EP300: variants seen among roughly 807,000 people sequenced by gnomAD.
EP300 encodes the protein EP300 lysine acetyltransferase, also known as histone acetyltransferase p300.
In EP300, 31 loss-of-function variants were observed where a neutral mutation model predicts 264.0. That is an observed-to-expected ratio of 0.12 (90% CI 0.09 to 0.16). The LOEUF is 0.16. Ranked by LOEUF, EP300 falls within the 10% of genes least tolerant of loss-of-function variation. The pLI is 1.00. For synonymous variants in EP300, 1,340 were observed against 1,045.4 expected (o/e 1.28, Z -5.44); for missense variants, 2,766 against 3,052.9 (o/e 0.91, Z 2.21).
chr22:41,163,891 C>CAACAGAGACCCTATCTCTAAA (rs1480247444), intron 21 of EP300, among the ~76,000 whole-genome samples, 162 bp from the exon 22 acceptor site: 1 of 152,206 alleles, frequency 6.6e-6, no homozygotes, highest in Non-Finnish European at 1.5e-5. Context: ...CCAGCCTGTA[C>CAACAGAGACCCTATCTCTAAA]AACAGAGACC....
intron 26 of EP300, 28 bp from the exon 27 acceptor site, chr22:41,170,378 T>C (rs771204828): frequency 1.2e-6 from 2 of 1,605,810 alleles, no homozygotes; most frequent in East Asian, 2.2e-5. Flanking sequence ...TCTCTTTTCC[T>C]TAATGTTCTT....
intron 1 of EP300, among the ~76,000 whole-genome samples, chr22:41,103,426 A>C (rs542573597): frequency 6.6e-6 from 1 of 152,188 alleles, no homozygotes; most frequent in African/African-American, 2.4e-5. Context: ...GTTGGTATAC[A>C]TGTCCACACA....
intron 1 of EP300, 118 bp from the exon 2 acceptor site, chr22:41,117,069 A>G: frequency 1.1e-6 from 1 of 926,632 alleles, no homozygotes; most frequent in Admixed American, 2.0e-5. Context: ...TCAAATAAAT[A>G]GAAAAACATG....
intron 29 of EP300, among the ~76,000 whole-genome samples, chr22:41,174,361 A>G (rs1166632547): frequency 6.6e-6 from 1 of 152,184 alleles, no homozygotes; most frequent in African/African-American, 2.4e-5. Context: ...CCTGGGAGGC[A>G]GAGGTTGCAG....
At chr22:41,097,378 G>A (rs1187754744) in intron 1 of EP300, among the ~76,000 whole-genome samples, 4 of 152,166 alleles carry the variant, frequency 2.6e-5, no homozygotes, top group African/African-American at 9.7e-5. Flanking sequence ...AGGGAGGAAA[G>A]GGTTTCTGCC....
intron 12 of EP300, among the ~76,000 whole-genome samples, chr22:41,148,620 C>T (rs2059025669): frequency 6.6e-6 from 1 of 152,174 alleles, no homozygotes; most frequent in South Asian, 2.1e-4. Context: ...TCTGCTACAA[C>T]TTGTAAGATT....
rs1373733990 is a variant in EP300 at position 41,131,556 on chromosome 22, C to T, written c.1451C>T (p.Pro484Leu). 6.8e-6 allele frequency: 11 copies of T among 1,613,898 alleles called. No homozygotes were observed. In the Admixed American group the frequency reaches 1.7e-4, roughly 24 times the overall value. The part of the protein sequence containing the change: ...PYQVNQMPTQ[P>L]QVQAKNQQNQ... Reference sequence around the variant, plus strand: ...CAAGTAAATCAGATGCCGACACAACCCCAGGTGCAAGCAAAGAACCAGCAG... The same window carrying T: ...CAAGTAAATCAGATGCCGACACAACTCCAGGTGCAAGCAAAGAACCAGCAG... The change falls in exon 6 of 31, where the codon CCC becomes CTC. Residue 484 changes from proline (P) to leucine (L), a missense_variant. Transcript: ENST00000263253.
intron 1 of EP300, chr22:41,108,244 C>CTTTTTTTTTTTTTTTTTTT (rs1184276266): frequency 3.6e-5 from 4 of 112,050 alleles, no homozygotes; most frequent in Non-Finnish European, 7.5e-5. Context: ...TTTTCTTTTT[C>CTTTTTTTTTTTTTTTTTTT]TTTTTTTTTT....
chr22:41,119,179 T>TATTATTATTA (rs373043233), intron 2 of EP300, among the ~76,000 whole-genome samples: 8 of 131,430 alleles, frequency 6.1e-5, no homozygotes, highest in African/African-American at 1.7e-4. Context: ...ATTATTATTT[T>TATTATTATTA]TTTTTTTTTT....
intron 1 of EP300, among the ~76,000 whole-genome samples, chr22:41,097,230 G>A (rs2058707350): frequency 1.3e-5 from 2 of 152,230 alleles, no homozygotes; most frequent in African/African-American, 4.8e-5. Context: ...GTCTCTGGTT[G>A]ATAGTGAGAT....
intron 1 of EP300, among the ~76,000 whole-genome samples, chr22:41,095,522 C>T (rs1036878084): frequency 4.0e-5 from 6 of 151,682 alleles, no homozygotes; most frequent in Admixed American, 1.3e-4. Context: ...ATGAGCCGCC[C>T]GGCCAGAGGT....
intron 5 of EP300, among the ~76,000 whole-genome samples, chr22:41,130,524 G>A (rs534856047): frequency 8.6e-4 from 130 of 151,562 alleles, no homozygotes; most frequent in African/African-American, 3.1e-3. Flanking sequence ...AGGATACCCT[G>A]TCTTTAAAAA....
chr22:41,170,754 TGG>T (rs2059165323), intron 27 of EP300, among the ~76,000 whole-genome samples, 183 bp downstream of exon 27: 5 of 143,740 alleles, frequency 3.5e-5, no homozygotes, highest in African/African-American at 1.0e-4. Flanking sequence ...CTCCGCCTCC[TGG>T]GTTCATGCCA....
chr22:41,140,385 T>G, intron 9 of EP300, 128 bp downstream of exon 9: 1 of 782,654 alleles, frequency 1.3e-6, no homozygotes, highest in Non-Finnish European at 2.3e-6. Context: ...TCCCGTCTTA[T>G]TGTCCCCAAG....
Position 41,169,475 on chromosome 22 carries a change from CCTCTTCATTT to C in EP300, c.4173-17_4173-8del, listed in dbSNP as rs771978932. On this transcript the variant is annotated intron_variant, in intron 25 of 30. Coordinates refer to ENST00000263253, the MANE Select transcript of EP300 (RefSeq NM_001429.4). ...CATTATGTGACCTGACTTTTTTTTT[CCTCTTCATTT>C]CTCTTCATTTTGTATAGGAGAGTAT... 12 of 1,463,270 alleles carry C rather than the reference CCTCTTCATTT, an allele frequency of 8.2e-6. No homozygotes were observed. Among genetic ancestry groups the C allele is most frequent in the Middle Eastern group, 2.3e-4 (1 of 4,308 alleles). The allele number at this position is 1,463,270 out of a possible 1,614,324, so 90.6% of individuals were successfully genotyped here.
intron 29 of EP300, among the ~76,000 whole-genome samples, chr22:41,174,048 T>G (rs2059186198): frequency 6.6e-6 from 1 of 152,034 alleles, no homozygotes; most frequent in Non-Finnish European, 1.5e-5. Context: ...AAGCGGAGAT[T>G]GCAGTGAGCC....
intron 2 of EP300, among the ~76,000 whole-genome samples, 178 bp downstream of exon 2, chr22:41,117,999 G>A (rs2058831141): frequency 6.6e-6 from 1 of 152,142 alleles, no homozygotes; most frequent in African/African-American, 2.4e-5. Flanking sequence ...TTTACAGCTG[G>A]TATTCTATAA....
At chr22:41,105,619 G>A (rs543580344) in intron 1 of EP300, among the ~76,000 whole-genome samples, 35 of 152,042 alleles carry the variant, frequency 2.3e-4, no homozygotes, top group Non-Finnish European at 4.9e-4. Flanking sequence ...GGCTGGTCTT[G>A]AACTCCTGAC....
At chr22:41,164,025 A>G (rs758922917) in intron 21 of EP300, 28 bp from the exon 22 acceptor site, 2 of 1,609,700 alleles carry the variant, frequency 1.2e-6, no homozygotes, top group South Asian at 2.2e-5. Context: ...GTTTGGGGTT[A>G]ATTTTGGAAT....
Sources: gnomAD v4.1 joint callset for allele counts (sites outside exome capture counted in the v4.1 genomes callset) on GRCh38, gnomAD v4.1.1 for gene constraint, MANE v1.5 for transcripts, NCBI Gene and HGNC (gene_info 2026-07-23, HGNC 2026-07-21) for gene names.